The following HERC3 variants were observed in gnomAD, a reference collection of about 807,000 sequenced individuals.
HERC3 encodes the protein probable E3 ubiquitin-protein ligase HERC3.
A neutral mutation model predicts 129.9 loss-of-function variants in HERC3; 58 were observed. The ratio of observed to expected loss-of-function variants is 0.45; its 90% CI spans 0.36 to 0.56. The LOEUF (loss-of-function observed/expected upper bound fraction) is 0.56, where lower values mean the gene tolerates loss of function less well. HERC3 is among the 20% of genes least tolerant of loss of function. HERC3 has a pLI of 0.00. For synonymous variants in HERC3, 430 were observed against 451.0 expected (o/e 0.95, Z 0.59); for missense variants, 835 against 1,244.2 (o/e 0.67, Z 4.95).
intron 1 of HERC3, among the ~76,000 whole-genome samples, chr4:88,593,036 T>G (rs1301744347): frequency 6.8e-6 from 1 of 146,648 alleles, no homozygotes. Flanking sequence ...CGCGGACGCT[T>G]TCAATTGAAA....
the HERC3 span, among the ~76,000 whole-genome samples, chr4:88,586,970 AGG>A: frequency 6.6e-6 from 1 of 152,252 alleles, no homozygotes; most frequent in Non-Finnish European, 1.5e-5. Context: ...ATTTTGCTCT[AGG>A]CTTTCGAGAG....
At chr4:88,683,340 C>T (rs577777810) in intron 21 of HERC3, among the ~76,000 whole-genome samples, 5 of 152,174 alleles carry the variant, frequency 3.3e-5, no homozygotes, top group African/African-American at 9.6e-5. Flanking sequence ...GAGTATCCCT[C>T]TCATATAGGA....
At chr4:88,700,816 A>G (rs538568353) in intron 23 of HERC3, among the ~76,000 whole-genome samples, 50 of 152,292 alleles carry the variant, frequency 3.3e-4, no homozygotes, top group African/African-American at 9.6e-4. Flanking sequence ...GCAATAGTTA[A>G]TATTTAAATC....
rs1014997729 is a variant in HERC3, at chr4:88,651,375, A to G, written c.387-637A>G. On this transcript the variant is annotated intron_variant, in intron 4 of 25. Coordinates refer to ENST00000402738, the MANE Select transcript of HERC3 (RefSeq NM_014606.3). ...ATACCTTTGTATTGTGGAAAGTAAC[A>G]TAGCTTTGATGTCAAACAAGCCTTG... Among the ~76,000 whole-genome samples, 16 of 152,350 alleles carry G rather than the reference A, an allele frequency of 1.1e-4. 1 individual carries two copies. Among genetic ancestry groups the G allele is most frequent in the African/African-American group, 3.4e-4 (14 of 41,586 alleles).
the HERC3 span, among the ~76,000 whole-genome samples, chr4:88,586,314 A>G: frequency 2.6e-5 from 4 of 151,884 alleles, no homozygotes; most frequent in Non-Finnish European, 4.4e-5. Context: ...TCAGAGATGA[A>G]TGATAAATAT....
At chr4:88,606,804 T>C (rs1271022491) in intron 3 of HERC3, among the ~76,000 whole-genome samples, 1 of 152,146 alleles carries the variant, frequency 6.6e-6, no homozygotes, top group African/African-American at 2.4e-5. Flanking sequence ...ATCCCTCCCA[T>C]AACATGTGGG....
At chr4:88,550,265 T>C in the HERC3 span, among the ~76,000 whole-genome samples, 3 of 152,136 alleles carry the variant, frequency 2.0e-5, no homozygotes, top group Admixed American at 1.3e-4. Context: ...TTCAACATAG[T>C]GTTGGAAGTT....
At chr4:88,538,862 G>C in the HERC3 span, among the ~76,000 whole-genome samples, 1 of 151,988 alleles carries the variant, frequency 6.6e-6, no homozygotes, top group Non-Finnish European at 1.5e-5. Flanking sequence ...CTTTTTATAA[G>C]ACATCTGTCA....
intron 23 of HERC3, chr4:88,697,257 C>G (rs1191390012): frequency 6.4e-7 from 1 of 1,560,710 alleles, no homozygotes; most frequent in African/African-American, 1.4e-5. Context: ...CATGTTTGGC[C>G]CCCGCGGCAG....
At chr4:88,679,424 G>C (rs1028818002) in intron 19 of HERC3, among the ~76,000 whole-genome samples, 8 of 151,406 alleles carry the variant, frequency 5.3e-5, no homozygotes, top group Non-Finnish European at 7.4e-5. Flanking sequence ...CTATGTGCCA[G>C]AATATTTACC....
chr4:88,648,201 A>G lies in HERC3; in HGVS notation c.227-1639A>G, dbSNP rs116435318. Among the ~76,000 whole-genome samples, 381 of 152,218 alleles carry G rather than the reference A, an allele frequency of 2.5e-3. 3 individuals are homozygous for G. The highest frequency in any genetic ancestry group is 9.0e-3 in the African/African-American group (372 of 41,530). On this transcript the variant is annotated intron_variant, in intron 3 of 25. Coordinates refer to ENST00000402738, the MANE Select transcript of HERC3 (RefSeq NM_014606.3). The stretch of plus-strand genomic sequence containing the variant: ...CATAATGCTCTAAAACTCTTTAAGT[A>G]GTGTTTTCTTTTTCACCTTGGAGAC...
chr4:88,671,916 C>A (rs1357762376), intron 16 of HERC3, among the ~76,000 whole-genome samples: 1 of 152,152 alleles, frequency 6.6e-6, no homozygotes, highest in African/African-American at 2.4e-5. Flanking sequence ...ACTCTGTTTT[C>A]ACTTTCAAAT....
chr4:88,587,800 T>TTACATGCATGTATTCTGTGCAGC (rs1721569242), upstream of HERC3, among the ~76,000 whole-genome samples: 1 of 152,270 alleles, frequency 6.6e-6, no homozygotes, highest in African/African-American at 2.4e-5. Context: ...TTTTTGGCAG[T>TTACATGCATGTATTCTGTGCAGC]TACATGCATG....
chr4:88,677,427 A>G (rs1376536014), intron 18 of HERC3, among the ~76,000 whole-genome samples: 1 of 151,744 alleles, frequency 6.6e-6, no homozygotes, highest in African/African-American at 2.4e-5. Context: ...CAGATACATA[A>G]CTTCATTTAT....
At chr4:88,603,111 A>C (rs1393040999) in intron 2 of HERC3, among the ~76,000 whole-genome samples, 3 of 152,174 alleles carry the variant, frequency 2.0e-5, no homozygotes, top group Non-Finnish European at 4.4e-5. Flanking sequence ...CACTGTTCTC[A>C]AAATTCATCT....
chr4:88,699,050 C>T (rs557976796), intron 23 of HERC3, among the ~76,000 whole-genome samples: 1 of 61,156 alleles, frequency 1.6e-5, no homozygotes, highest in Non-Finnish European at 3.2e-5. Flanking sequence ...CCTCACGCTC[C>T]TCACCCTCTT....
intron 3 of HERC3, among the ~76,000 whole-genome samples, chr4:88,607,747 G>T (rs1049357019): frequency 4.6e-5 from 7 of 152,166 alleles, no homozygotes; most frequent in Non-Finnish European, 8.8e-5. Flanking sequence ...GGCATTACAG[G>T]TGCGAACCAC....
At chr4:88,591,897 C>T (rs918769941), upstream of HERC3, among the ~76,000 whole-genome samples, 3 of 152,162 alleles carry the variant, frequency 2.0e-5, no homozygotes, top group Non-Finnish European at 2.9e-5. Flanking sequence ...TCCGCAGCCC[C>T]GTGCCGGTCT....
At chr4:88,604,800 A>G (rs1321614213) in intron 2 of HERC3, among the ~76,000 whole-genome samples, 3 of 152,206 alleles carry the variant, frequency 2.0e-5, no homozygotes, top group Non-Finnish European at 4.4e-5. Flanking sequence ...GCTGGATCAC[A>G]TGGTATCTCT....
Sources: allele counts gnomAD v4.1 joint callset (sites outside exome capture counted in the v4.1 genomes callset), GRCh38; gene constraint gnomAD v4.1.1; transcripts MANE v1.5; gene names NCBI Gene and HGNC (gene_info 2026-07-23, HGNC 2026-07-21).